NT5C2: variants seen among roughly 807,000 people sequenced by gnomAD.
The protein encoded by NT5C2 is 5'-nucleotidase, cytosolic II.
In NT5C2, 58 loss-of-function variants were observed where a neutral mutation model predicts 76.1. The ratio of observed to expected loss-of-function variants is 0.76; its 90% confidence interval spans 0.62 to 0.95. The LOEUF (loss-of-function observed/expected upper bound fraction) is 0.95, where lower values mean the gene tolerates loss of function less well. Ranked by LOEUF, NT5C2 falls within the 40% of genes least tolerant of loss-of-function variation. The pLI is 0.00. For missense variants in NT5C2, 478 were observed against 690.3 expected, an observed-to-expected ratio of 0.69 and a Z score of 3.45; for synonymous variants, 229 against 237.4, an observed-to-expected ratio of 0.96 and a Z score of 0.32.
In NT5C2 at chr10:103,089,643, A is replaced by G; in HGVS notation, c.*29T>C. On this transcript the variant is annotated 3_prime_UTR_variant, in exon 19 of 19. Transcript: ENST00000404739. ...TGTGAGTCCTGCCAGGACTTGTTTA[A>G]TGGGTGCTTGGGGTTTTGGTTTTCC... The G allele has an allele frequency of 6.4e-7, 1 of 1,554,368 alleles. No individual in the cohort carries two copies. The highest frequency in any genetic ancestry group is 8.7e-7 in the Non-Finnish European group (1 of 1,150,338).
intron 4 of NT5C2, among the ~76,000 whole-genome samples, chr10:103,132,720 T>C (rs1296014007): frequency 2.0e-5 from 3 of 152,084 alleles, no homozygotes; most frequent in Admixed American, 1.3e-4. Context: ...CGGCTAATTT[T>C]TGTATTTTTT....
chr10:103,158,545 G>A (rs992939225), intron 3 of NT5C2, among the ~76,000 whole-genome samples: 6 of 152,164 alleles, frequency 3.9e-5, no homozygotes, highest in Middle Eastern at 3.4e-3. Context: ...GGCCAGGCAC[G>A]GTGGCTCACA....
intron 6 of NT5C2, among the ~76,000 whole-genome samples, chr10:103,104,489 T>C (rs908133901): frequency 3.3e-5 from 5 of 152,248 alleles, no homozygotes; most frequent in African/African-American, 9.6e-5. Flanking sequence ...CTTAAGTTAC[T>C]AGTACAACCT....
intron 3 of NT5C2, among the ~76,000 whole-genome samples, chr10:103,167,105 T>G (rs2086597894): frequency 6.6e-6 from 1 of 151,854 alleles, no homozygotes; most frequent in Non-Finnish European, 1.5e-5. Flanking sequence ...ATCCTCTGCC[T>G]CCTGTATTCA....
intron 3 of NT5C2, among the ~76,000 whole-genome samples, chr10:103,150,154 T>A (rs2082156069): frequency 1.3e-5 from 2 of 152,186 alleles, no homozygotes; most frequent in African/African-American, 4.8e-5. Context: ...ATGCAACAAC[T>A]ACTACAATCA....
chr10:103,179,425 G>A (rs10786741), intron 2 of NT5C2, among the ~76,000 whole-genome samples: 47,894 of 151,898 alleles, frequency 0.32, 7,637 homozygotes, highest in Middle Eastern at 0.36. Context: ...TTTGTTCAGA[G>A]ACCTGAGTAA....
intron 2 of NT5C2, among the ~76,000 whole-genome samples, chr10:103,178,059 T>C (rs1199854400): frequency 1.3e-5 from 2 of 152,232 alleles, no homozygotes; most frequent in Non-Finnish European, 2.9e-5. Flanking sequence ...CTTCTTTCAG[T>C]TGGCATAGTA....
chr10:103,099,047 T>C, intron 9 of NT5C2, 63 bp from the exon 10 acceptor site: 1 of 1,347,772 alleles, frequency 7.4e-7, no homozygotes, highest in South Asian at 1.3e-5. Context: ...ATGTAGTTTA[T>C]AAGAAAAATG....
intron 11 of NT5C2, 113 bp downstream of exon 11, chr10:103,097,178 G>T: frequency 1.3e-6 from 1 of 769,530 alleles, no homozygotes; most frequent in South Asian, 2.4e-5. Context: ...TTGAAAATGA[G>T]AAGGCAAGAA....
At chr10:103,127,747 G>A (rs963643387) in intron 4 of NT5C2, among the ~76,000 whole-genome samples, 2 of 152,190 alleles carry the variant, frequency 1.3e-5, no homozygotes, top group Non-Finnish European at 2.9e-5. Flanking sequence ...TTAGAGAGAC[G>A]GGGTTTCACT....
chr10:103,129,951 C>T (rs1362725499), intron 4 of NT5C2, among the ~76,000 whole-genome samples: 11 of 144,494 alleles, frequency 7.6e-5, no homozygotes, highest in South Asian at 4.7e-4. Context: ...CCCCCCCGCC[C>T]GGCCAGCCGC....
intron 4 of NT5C2, among the ~76,000 whole-genome samples, chr10:103,133,103 T>C (rs2078532853): frequency 6.6e-6 from 1 of 152,178 alleles, no homozygotes; most frequent in African/African-American, 2.4e-5. Context: ...CCTCTGCTGT[T>C]CTCGTGATAG....
intron 3 of NT5C2, among the ~76,000 whole-genome samples, chr10:103,155,748 T>C (rs2083237565): frequency 6.6e-6 from 1 of 152,146 alleles, no homozygotes; most frequent in Non-Finnish European, 1.5e-5. Flanking sequence ...AGAGAACTGC[T>C]CAACACAAAA....
chr10:103,115,102 T>C (rs1018109510), intron 4 of NT5C2, among the ~76,000 whole-genome samples: 2 of 152,202 alleles, frequency 1.3e-5, no homozygotes, highest in Non-Finnish European at 2.9e-5. Context: ...AGTTTAGTCA[T>C]GTTGAAAATA....
intron 1 of NT5C2, among the ~76,000 whole-genome samples, chr10:103,191,049 G>C (rs940961167): frequency 1.3e-5 from 2 of 152,140 alleles, no homozygotes; most frequent in Non-Finnish European, 2.9e-5. Context: ...TTTGTTTTTG[G>C]GGATTTGTTG....
intron 1 of NT5C2, among the ~76,000 whole-genome samples, chr10:103,183,252 G>T (rs1246489949): frequency 1.3e-5 from 1 of 74,784 alleles, no homozygotes; most frequent in African/African-American, 5.7e-5. Flanking sequence ...ATATATATAT[G>T]TGTGTGTGTG....
rs1565203040 is a variant in NT5C2, at chr10:103,153,610, G to GT, written c.102-14132dup. 5.1e-6 allele frequency: 5 copies of GT among 985,284 alleles called. No individual in the cohort carries two copies. In the African/African-American group the frequency reaches 7.0e-5, roughly 14 times the overall value. The allele number at this position is 985,284 out of a possible 1,614,324, so 61.0% of individuals were successfully genotyped here. A position where few individuals can be genotyped will look rare whatever the true frequency, so the allele number is the denominator to read the frequency against. On this transcript the variant is annotated intron_variant, in intron 3 of 18. Transcript: ENST00000404739. ...GAGACAATCCAAATGGCAAGTTCCTGTAAGAGACAGGAATCGTTACTGGCA... is the reference window on the plus strand; with the variant it reads ...GAGACAATCCAAATGGCAAGTTCCTGTTAAGAGACAGGAATCGTTACTGGCA...
chr10:103,119,545 C>G (rs1466807719), intron 4 of NT5C2, among the ~76,000 whole-genome samples: 1 of 152,162 alleles, frequency 6.6e-6, no homozygotes, highest in Non-Finnish European at 1.5e-5. Context: ...ATTTCATGAC[C>G]TAGGACAATG....
At chr10:103,091,509 A>G (rs775481634) in intron 16 of NT5C2, 55 bp downstream of exon 16, 2 of 1,327,028 alleles carry the variant, frequency 1.5e-6, no homozygotes, top group East Asian at 2.3e-5. Flanking sequence ...AACATTTCTT[A>G]TATCTAAGTG....
Sources: allele counts gnomAD v4.1 joint callset (sites outside exome capture counted in the v4.1 genomes callset), GRCh38; gene constraint gnomAD v4.1.1; transcripts MANE v1.5; gene names NCBI Gene and HGNC (gene_info 2026-07-23, HGNC 2026-07-21).